The following UQCRB variants were observed in gnomAD, a reference collection of about 807,000 sequenced individuals.
UQCRB encodes the protein ubiquinol-cytochrome c reductase binding protein.
In UQCRB, 12 loss-of-function variants were observed where a neutral mutation model predicts 19.8. The observed-to-expected ratio is 0.61, with a 90% CI of 0.39 to 0.98. UQCRB has a LOEUF of 0.98. Among genes scored for constraint, UQCRB ranks in the 50% least tolerant of loss-of-function variants. UQCRB has a pLI of 0.00. For synonymous variants in UQCRB, 39 were observed against 42.9 expected, an observed-to-expected ratio of 0.91 and a Z score of 0.35; for missense variants, 142 against 131.8, an observed-to-expected ratio of 1.08 and a Z score of -0.38.
intron 1 of UQCRB, 85 bp from the exon 2 acceptor site, chr8:96,233,312 C>G: frequency 8.1e-7 from 1 of 1,234,172 alleles, no homozygotes; most frequent in Non-Finnish European, 1.2e-6. Flanking sequence ...ACTCAGTTAT[C>G]TTGCTGATGA....
At position 96,226,504 on chromosome 8, in the gene UQCRB, T is replaced by G. The variant is rs1401082112; in HGVS notation, c.*4551A>C. 1 of 199,942 alleles carries G rather than the reference T, an allele frequency of 5.0e-6. No homozygotes were observed. Among genetic ancestry groups the G allele is most frequent in the Non-Finnish European group, 1.0e-5 (1 of 97,792 alleles). The allele number at this position is 199,942 out of a possible 1,614,324, so 12.4% of individuals were successfully genotyped here. On this transcript the variant is annotated 3_prime_UTR_variant, in exon 4 of 4. Transcript: ENST00000287022. ...TGGCCTCAGATCAGTGTTTCCAGTT[T>G]AATGGCAAACCACATTTTAAATGCA...
At position 96,226,942 on chromosome 8, in the gene UQCRB, T is replaced by C. The variant is rs1344568734; in HGVS notation, c.*4113A>G. 2.2e-6 allele frequency: 1 copy of C among 454,036 alleles called. No individual in the cohort carries two copies. Among genetic ancestry groups the C allele is most frequent in the Non-Finnish European group, 4.4e-6 (1 of 226,762 alleles). 28.1% of individuals were successfully genotyped at this position (454,036 alleles called of 1,614,324 possible). A position where few individuals can be genotyped will look rare whatever the true frequency, so the allele number is the denominator to read the frequency against. ...TGCTCAATTGCTAATACAATAAAATTTCTTAGCAAAATATAACTTAGAGGC... is the reference window on the plus strand; with the variant it reads ...TGCTCAATTGCTAATACAATAAAATCTCTTAGCAAAATATAACTTAGAGGC... On this transcript the variant is annotated 3_prime_UTR_variant, in exon 4 of 4. Transcript: ENST00000287022.
At chr8:96,234,568 GT>G (rs1809756171) in intron 1 of UQCRB, 1 of 1,214,936 alleles carries the variant, frequency 8.2e-7, no homozygotes, top group East Asian at 5.7e-5. Flanking sequence ...TATTTAAAAA[GT>G]CTCCCCCACC....
intron 1 of UQCRB, chr8:96,234,967 G>T (rs1331017299): frequency 4.5e-6 from 1 of 220,880 alleles, no homozygotes; most frequent in Non-Finnish European, 9.3e-6. Flanking sequence ...CGTATCCCTT[G>T]CTCAACTGTC....
In UQCRB at chr8:96,229,648, C is replaced by A. The variant is rs751236773; in HGVS notation, c.*1407G>T. On this transcript the variant is annotated 3_prime_UTR_variant, in exon 4 of 4. Transcript: ENST00000287022. ...TCTGCAAAGTAGGACTACATTAAAA[C>A]CTTGTCACAATGTGACCTGAGCAAA... is the stretch of plus-strand genomic sequence containing the variant. 1 of 453,970 alleles carries A rather than the reference C, an allele frequency of 2.2e-6. No homozygotes were observed. Among genetic ancestry groups the A allele is most frequent in the South Asian group, 1.6e-5 (1 of 64,472 alleles). The allele number at this position is 453,970 out of a possible 1,614,324, so 28.1% of individuals were successfully genotyped here.
In UQCRB at chr8:96,226,800, AATCAG is replaced by A. The variant is rs1200948328; in HGVS notation, c.*4250_*4254del. 8 of 439,692 alleles carry A rather than the reference AATCAG, an allele frequency of 1.8e-5. No individual in the cohort carries two copies. In the East Asian group the frequency reaches 5.6e-4, roughly 31 times the overall value. The allele number at this position is 439,692 out of a possible 1,614,324, so 27.2% of individuals were successfully genotyped here. ...TACACTCTTTCTTTGTAGGAGATAT[AATCAG>A]AATCCAGAATGACAATTTAAATAGT... is the stretch of plus-strand genomic sequence containing the variant. On this transcript the variant is annotated 3_prime_UTR_variant, in exon 4 of 4. Transcript: ENST00000287022.
At chr8:96,234,593 A>T in intron 1 of UQCRB, 4 of 991,166 alleles carry the variant, frequency 4.0e-6, no homozygotes, top group Non-Finnish European at 5.6e-6. Context: ...AAAAAGCTCA[A>T]TGTCAATTAG....
chr8:96,233,173 G>A lies in UQCRB; in HGVS notation c.74C>T (p.Ala25Val). ...DGIRKWYYNAAGFNKLGLMRD... is the reference protein window; with the variant it reads ...DGIRKWYYNAVGFNKLGLMRD... Reference sequence around the variant, plus strand: ...CTGCTTACCCAGTTTATTGAATCCTGCAGCATTGTAATACCATTTTCGAAT... The same window carrying A: ...CTGCTTACCCAGTTTATTGAATCCTACAGCATTGTAATACCATTTTCGAAT... Residue 25 changes from alanine (A) to valine (V), a missense_variant, in exon 2 of 4, where the codon GCA becomes GTA. Physicochemically the swap from Ala to Val is moderately conservative, Grantham distance 64 (BLOSUM62 0). Around this residue, in one of 2 missense-constraint regions of UQCRB, gnomAD observed 132 missense variants for 107.5 expected, o/e 1.23. Coordinates refer to ENST00000287022, the MANE Select transcript of UQCRB (RefSeq NM_006294.5). 3 of 1,612,806 alleles carry A rather than the reference G, an allele frequency of 1.9e-6. No homozygotes were observed. The highest frequency in any genetic ancestry group is 1.7e-6 in the Non-Finnish European group (2 of 1,179,822).
chr8:96,235,171 G>A (rs1809778438), intron 1 of UQCRB: 1 of 478,672 alleles, frequency 2.1e-6, no homozygotes, highest in Non-Finnish European at 3.8e-6. Context: ...AGCTCATTCG[G>A]GTTGAAAGTC....
In UQCRB at chr8:96,223,577, C is replaced by T. The variant is rs904734198; in HGVS notation, c.*7478G>A. On this transcript the variant is annotated 3_prime_UTR_variant, in exon 4 of 4. Transcript: ENST00000287022. Reference sequence around the variant, plus strand: ...CAAAGAAAATAGAAATGTCAAGTGCCTGGGGTTGACAAAGAGCTTCTCTCA... The same window carrying T: ...CAAAGAAAATAGAAATGTCAAGTGCTTGGGGTTGACAAAGAGCTTCTCTCA... 6.6e-6 allele frequency among the ~76,000 whole-genome samples: 1 copy of T among 152,088 alleles called. No individual in the cohort carries two copies. Among genetic ancestry groups the T allele is most frequent in the African/African-American group, 2.4e-5 (1 of 41,410 alleles).
rs7836698 is a variant in UQCRB at position 96,230,621 on chromosome 8, C to A, written c.*434G>T. 2 of 455,488 alleles carry A rather than the reference C, an allele frequency of 4.4e-6. No individual in the cohort carries two copies. Among genetic ancestry groups the A allele is most frequent in the Non-Finnish European group, 8.8e-6 (2 of 227,930 alleles). 28.2% of individuals were successfully genotyped at this position (455,488 alleles called of 1,614,324 possible). A position where few individuals can be genotyped will look rare whatever the true frequency, so the allele number is the denominator to read the frequency against. ...CTATGTTGGGGTGCAGACATAATTT[C>A]TTTTTAAATGATAGGATGCAAAATC... On this transcript the variant is annotated 3_prime_UTR_variant, in exon 4 of 4. Transcript: ENST00000287022.
At position 96,230,626 on chromosome 8, in the gene UQCRB, T is replaced by A. The variant is rs2129799583; in HGVS notation, c.*429A>T. The A allele has an allele frequency of 2.2e-6, 1 of 456,440 alleles. No homozygotes were observed. The highest frequency in any genetic ancestry group is 1.6e-5 in the South Asian group (1 of 64,488). The allele number at this position is 456,440 out of a possible 1,614,324, so 28.3% of individuals were successfully genotyped here. On this transcript the variant is annotated 3_prime_UTR_variant, in exon 4 of 4. Coordinates refer to ENST00000287022, the MANE Select transcript of UQCRB (RefSeq NM_006294.5). ...TTGGGGTGCAGACATAATTTCTTTT[T>A]AAATGATAGGATGCAAAATCAAATC...
rs112027559 is a variant in UQCRB at position 96,223,077 on chromosome 8, C to G, written c.*7978G>C. Among the ~76,000 whole-genome samples the G allele has an allele frequency of 0.032, 4,912 of 152,062 alleles. 287 individuals carry two copies. Among genetic ancestry groups the G allele is most frequent in the African/African-American group, 0.11 (4,680 of 41,430 alleles). On this transcript the variant is annotated 3_prime_UTR_variant, in exon 4 of 4. Coordinates refer to ENST00000287022, the MANE Select transcript of UQCRB (RefSeq NM_006294.5). Reference sequence around the variant, plus strand: ...GTAGGTCAAAGGATACACAAACTTGCAATTATACAAGATGAACAGGTCTAG... The same window carrying G: ...GTAGGTCAAAGGATACACAAACTTGGAATTATACAAGATGAACAGGTCTAG...
In UQCRB at chr8:96,226,008, C is replaced by A. The variant is rs953282890; in HGVS notation, c.*5047G>T. ...TGGAGGCAGGAGGCGCTACTGGTAC[C>A]TATCGTGTAGAAGCCAGGATGCTGC... On this transcript the variant is annotated 3_prime_UTR_variant, in exon 4 of 4. Transcript: ENST00000287022. 1 of 152,080 alleles carries A rather than the reference C, an allele frequency of 6.6e-6. No individual in the cohort carries two copies. Among genetic ancestry groups the A allele is most frequent in the South Asian group, 2.1e-4 (1 of 4,828 alleles). The allele number at this position is 152,080 out of a possible 1,614,324, so 9.4% of individuals were successfully genotyped here.
Position 96,229,725 on chromosome 8 carries a change from T to A in UQCRB, c.*1330A>T. 2.2e-6 allele frequency: 1 copy of A among 453,042 alleles called. No homozygotes were observed. The highest frequency in any genetic ancestry group is 4.4e-6 in the Non-Finnish European group (1 of 226,596). The allele number at this position is 453,042 out of a possible 1,614,324, so 28.1% of individuals were successfully genotyped here. On this transcript the variant is annotated 3_prime_UTR_variant, in exon 4 of 4. Coordinates refer to ENST00000287022, the MANE Select transcript of UQCRB (RefSeq NM_006294.5). ...TCAACCATACAAAAGAAAATTGACA[T>A]GATTTCAGGATAGGTTTAGAAAAAT...
rs1809595913 is a variant in UQCRB at position 96,229,071 on chromosome 8, C to T, written c.*1984G>A. On this transcript the variant is annotated 3_prime_UTR_variant, in exon 4 of 4. Coordinates refer to ENST00000287022, the MANE Select transcript of UQCRB (RefSeq NM_006294.5). Reference sequence around the variant, plus strand: ...GTCTTCATAACAAGCAGGACGATAACCATAATTTATAATGAACACAAAACA... The same window carrying T: ...GTCTTCATAACAAGCAGGACGATAATCATAATTTATAATGAACACAAAACA... 1 of 453,842 alleles carries T rather than the reference C, an allele frequency of 2.2e-6. No individual in the cohort carries two copies. Among genetic ancestry groups the T allele is most frequent in the South Asian group, 1.6e-5 (1 of 64,466 alleles). The allele number at this position is 453,842 out of a possible 1,614,324, so 28.1% of individuals were successfully genotyped here. A position where few individuals can be genotyped will look rare whatever the true frequency, so the allele number is the denominator to read the frequency against.
rs561951107 is a variant in UQCRB at position 96,235,149 on chromosome 8, T to C, written c.19+363A>G. On this transcript the variant is annotated intron_variant, in intron 1 of 3. Coordinates refer to ENST00000287022, the MANE Select transcript of UQCRB (RefSeq NM_006294.5). ...TGCACACGATAGAGCACTTGGGTCA[T>C]AGAAAGCACTGAGCTCATTCGGGTT... 125 of 436,318 alleles carry C rather than the reference T, an allele frequency of 2.9e-4. 1 individual carries two copies. Among genetic ancestry groups the C allele is most frequent in the South Asian group, 2.1e-3 (96 of 46,438 alleles). 27.0% of individuals were successfully genotyped at this position (436,318 alleles called of 1,614,324 possible).
In UQCRB at chr8:96,223,992, G is replaced by T. The variant is rs1310863287; in HGVS notation, c.*7063C>A. ...TGGTCTCCTGGAGTCTGACTCTGGG[G>T]CATGAGTTAGCTTACCTCAAAGAAG... On this transcript the variant is annotated 3_prime_UTR_variant, in exon 4 of 4. Coordinates refer to ENST00000287022, the MANE Select transcript of UQCRB (RefSeq NM_006294.5). 6.6e-6 allele frequency among the ~76,000 whole-genome samples: 1 copy of T among 152,122 alleles called. No homozygotes were observed. The highest frequency in any genetic ancestry group is 1.5e-5 in the Non-Finnish European group (1 of 68,030).
In UQCRB at chr8:96,224,709, C is replaced by A. The variant is rs930571855; in HGVS notation, c.*6346G>T. ...GCCAACTGGACTTCTTAGTATCTCT[C>A]AAAAATATACTCTGCTCACACCATA... On this transcript the variant is annotated 3_prime_UTR_variant, in exon 4 of 4. Transcript: ENST00000287022. 2.0e-5 allele frequency among the ~76,000 whole-genome samples: 3 copies of A among 152,160 alleles called. No individual in the cohort carries two copies. Among genetic ancestry groups the A allele is most frequent in the African/African-American group, 7.2e-5 (3 of 41,438 alleles).
Sources: gnomAD v4.1 joint callset for allele counts (sites outside exome capture counted in the v4.1 genomes callset) on GRCh38, gnomAD v4.1.1 for gene constraint, gnomAD v4.1.1 regional missense constraint, MANE v1.5 for transcripts, NCBI Gene and HGNC (gene_info 2026-07-23, HGNC 2026-07-21) for gene names.